ALK: variants seen among roughly 807,000 people sequenced by gnomAD.
The protein encoded by ALK is ALK tyrosine kinase receptor.
A neutral mutation model predicts 163.1 loss-of-function variants in ALK; 74 were observed. The observed-to-expected ratio is 0.45, with a 90% CI of 0.38 to 0.55. ALK has a LOEUF of 0.55. ALK is among the 20% of genes least tolerant of loss of function. The pLI, the probability that ALK is intolerant of heterozygous loss-of-function variation, is 0.00. For missense variants in ALK, 2,063 were observed against 2,105.3 expected (o/e 0.98, Z 0.39); for synonymous variants, 960 against 843.2 (o/e 1.14, Z -2.40).
intron 4 of ALK, among the ~76,000 whole-genome samples, chr2:29,393,028 A>AGTGTTC (rs1157846745): frequency 1.6e-4 from 24 of 152,342 alleles, no homozygotes; most frequent in African/African-American, 5.5e-4. Context: ...AAGGTCACTG[A>AGTGTTC]ATGTTCAAGG....
chr2:29,238,142 C>A (rs1664430740), intron 13 of ALK, among the ~76,000 whole-genome samples: 1 of 152,168 alleles, frequency 6.6e-6, no homozygotes, highest in African/African-American at 2.4e-5. Context: ...CCGCTGCCCC[C>A]ATAGATGTGC....
intron 4 of ALK, among the ~76,000 whole-genome samples, chr2:29,399,349 G>A (rs553426531): frequency 1.3e-5 from 2 of 152,162 alleles, no homozygotes; most frequent in Non-Finnish European, 2.9e-5. Flanking sequence ...GGACAGCCAG[G>A]GGACCCTCAG....
At chr2:29,437,256 T>C (rs1670424965) in intron 4 of ALK, among the ~76,000 whole-genome samples, 1 of 152,148 alleles carries the variant, frequency 6.6e-6, no homozygotes, top group Admixed American at 6.5e-5. Context: ...TTAGATATGC[T>C]GAGTACATCT....
intron 8 of ALK, among the ~76,000 whole-genome samples, chr2:29,311,600 C>T (rs1320648213): frequency 6.6e-6 from 1 of 152,202 alleles, no homozygotes; most frequent in Non-Finnish European, 1.5e-5. Flanking sequence ...TGGGCCGTGT[C>T]ACCAGACTTC....
intron 4 of ALK, among the ~76,000 whole-genome samples, chr2:29,485,488 C>T (rs1671756940): frequency 6.6e-6 from 1 of 152,160 alleles, no homozygotes; most frequent in South Asian, 2.1e-4. Context: ...AAGATTTCCT[C>T]CCTGTATCTA....
intron 26 of ALK, among the ~76,000 whole-genome samples, chr2:29,203,784 G>A (rs971494432): frequency 2.0e-5 from 3 of 151,630 alleles, no homozygotes; most frequent in African/African-American, 4.8e-5. Flanking sequence ...GCGCCCGGCC[G>A]AGGATATGCC....
intron 4 of ALK, among the ~76,000 whole-genome samples, chr2:29,485,092 T>C (rs1274831302): frequency 4.6e-5 from 7 of 152,162 alleles, no homozygotes; most frequent in Non-Finnish European, 7.4e-5. Flanking sequence ...TTCCAGAAAA[T>C]ACTCAAATTA....
chr2:29,592,067 T>C (rs1468569450), intron 3 of ALK, among the ~76,000 whole-genome samples: 1 of 152,068 alleles, frequency 6.6e-6, no homozygotes, highest in Admixed American at 6.5e-5. Flanking sequence ...AAAATCCAGA[T>C]GACAGTGCTT....
rs576517813 is a variant in ALK, at chr2:29,278,985, G to A, written c.1818-3489C>T. ...TAAATGACATGTGTGTGCCTGGGGG[G>A]GGGGACAGAATCGCGGCTATCCTCT... On this transcript the variant is annotated intron_variant, in intron 9 of 28. Coordinates refer to ENST00000389048, the MANE Select transcript of ALK (RefSeq NM_004304.5). Among the ~76,000 whole-genome samples, 25 of 152,240 alleles carry A rather than the reference G, an allele frequency of 1.6e-4. No individual in the cohort carries two copies. The South Asian group carries it at 4.8e-3, about 29-fold the overall frequency.
At chr2:29,455,142 G>C (rs1051821729) in intron 4 of ALK, among the ~76,000 whole-genome samples, 2 of 152,156 alleles carry the variant, frequency 1.3e-5, no homozygotes, top group Non-Finnish European at 2.9e-5. Context: ...AGAAGAGAGA[G>C]ACGAGACTTT....
intron 1 of ALK, among the ~76,000 whole-genome samples, chr2:29,827,618 A>T (rs1319562280): frequency 6.6e-6 from 1 of 152,230 alleles, no homozygotes; most frequent in Non-Finnish European, 1.5e-5. Flanking sequence ...TCCTACTAAG[A>T]AACTGATTCC....
intron 4 of ALK, among the ~76,000 whole-genome samples, chr2:29,403,906 T>C (rs1669514183): frequency 6.6e-6 from 1 of 151,888 alleles, no homozygotes; most frequent in African/African-American, 2.4e-5. Flanking sequence ...AGAGAGACCC[T>C]GTCTCAAAAA....
chr2:29,690,911 C>G (rs1678376499), intron 3 of ALK, among the ~76,000 whole-genome samples: 1 of 152,102 alleles, frequency 6.6e-6, no homozygotes, highest in Admixed American at 6.5e-5. Flanking sequence ...AAAGGCAACC[C>G]ATCCCCACTT....
intron 3 of ALK, among the ~76,000 whole-genome samples, chr2:29,602,879 C>T (rs1207512178): frequency 6.6e-6 from 1 of 152,182 alleles, no homozygotes; most frequent in Non-Finnish European, 1.5e-5. Context: ...TCAGGAGATC[C>T]TGAGAACATG....
At chr2:29,439,900 G>A (rs1444005036) in intron 4 of ALK, among the ~76,000 whole-genome samples, 2 of 152,106 alleles carry the variant, frequency 1.3e-5, no homozygotes, top group African/African-American at 4.8e-5. Context: ...AGAACTTTGA[G>A]TGAATAAGCC....
chr2:29,824,346 G>T (rs1665134798), intron 1 of ALK, among the ~76,000 whole-genome samples: 1 of 152,200 alleles, frequency 6.6e-6, no homozygotes, highest in Admixed American at 6.5e-5. Context: ...CCCTACTGGG[G>T]CACCACCTAG....
chr2:29,751,945 C>T lies in ALK; in HGVS notation c.668-34248G>A, dbSNP rs547537342. ...TAATTGTAGCTAACATTTTTGAGAC[C>T]GGAGTGGTAGAGGTATTATCCCCAT... On this transcript the variant is annotated intron_variant, in intron 1 of 28. Coordinates refer to ENST00000389048, the MANE Select transcript of ALK (RefSeq NM_004304.5). Among the ~76,000 whole-genome samples, 186 of 152,126 alleles carry T rather than the reference C, an allele frequency of 1.2e-3. 2 individuals are homozygous for T. The highest frequency in any genetic ancestry group is 4.1e-3 in the African/African-American group (170 of 41,500).
intron 1 of ALK, among the ~76,000 whole-genome samples, chr2:29,811,969 G>T (rs1664771786): frequency 6.6e-6 from 1 of 152,214 alleles, no homozygotes; most frequent in Non-Finnish European, 1.5e-5. Context: ...CAGGAAAACT[G>T]AAGGGGTGAA....
At chr2:29,557,067 T>C (rs963141470) in intron 3 of ALK, among the ~76,000 whole-genome samples, 5 of 152,234 alleles carry the variant, frequency 3.3e-5, no homozygotes, top group African/African-American at 1.2e-4. Flanking sequence ...GTCACACAAA[T>C]GTGTAATAAA....
Sources: gnomAD v4.1 joint callset for allele counts (sites outside exome capture counted in the v4.1 genomes callset) on GRCh38, gnomAD v4.1.1 for gene constraint, MANE v1.5 for transcripts, NCBI Gene and HGNC (gene_info 2026-07-23, HGNC 2026-07-21) for gene names.